Variants in GRAMD1B observed in about 807,000 individuals in gnomAD.
The protein encoded by GRAMD1B is GRAM domain containing 1B, also known as protein Aster-B.
GRAMD1B carries 37 observed loss-of-function variants against 99.7 expected under a neutral mutation model. The observed-to-expected ratio is 0.37, with a 90% confidence interval of 0.29 to 0.49. The LOEUF is 0.49. GRAMD1B is among the 20% of genes least tolerant of loss of function. The probability of loss-of-function intolerance (pLI) is 0.98; values close to 1 mark genes in which losing one functional copy is unlikely to be tolerated. For missense variants in GRAMD1B, 888 were observed against 1,009.2 expected, an observed-to-expected ratio of 0.88 and a Z score of 1.63; for synonymous variants, 427 against 387.6, an observed-to-expected ratio of 1.10 and a Z score of -1.19.
At chr11:123,469,738 T>C (rs1950896751) in intron 1 of GRAMD1B, among the ~76,000 whole-genome samples, 1 of 120,286 alleles carries the variant, frequency 8.3e-6, no homozygotes, top group South Asian at 2.8e-4. Flanking sequence ...TTTCTTTCTT[T>C]CTCTTTCTTT....
At chr11:123,406,218 T>C (rs929267094) in intron 1 of GRAMD1B, among the ~76,000 whole-genome samples, 32 of 151,854 alleles carry the variant, frequency 2.1e-4, no homozygotes, top group African/African-American at 7.0e-4. Context: ...CCTAAAGTTC[T>C]GGGATTACAG....
chr11:123,432,487 CA>C (rs1342523517), intron 1 of GRAMD1B, among the ~76,000 whole-genome samples: 2 of 149,596 alleles, frequency 1.3e-5, no homozygotes, highest in Admixed American at 6.7e-5. Flanking sequence ...AACCTGGGTA[CA>C]GGGGCTGCAG....
intron 2 of GRAMD1B, among the ~76,000 whole-genome samples, chr11:123,486,564 A>AAAAAAAAAAAAAAAAAAAG (rs779982778): frequency 8.1e-5 from 12 of 147,624 alleles, no homozygotes; most frequent in Non-Finnish European, 1.0e-4. Flanking sequence ...GAAAAAAAAA[A>AAAAAAAAAAAAAAAAAAAG]AAAAACAAAA....
chr11:123,573,967 C>T (rs1395328471), intron 2 of GRAMD1B, among the ~76,000 whole-genome samples: 1 of 151,556 alleles, frequency 6.6e-6, no homozygotes, highest in Non-Finnish European at 1.5e-5. Context: ...GTAGGTCCTT[C>T]ATACCAGGCT....
At chr11:123,499,531 T>G (rs2714078) in intron 2 of GRAMD1B, among the ~76,000 whole-genome samples, 28 of 152,054 alleles carry the variant, frequency 1.8e-4, no homozygotes, top group African/African-American at 6.3e-4. Context: ...TTAAGTTACT[T>G]ATTCCATCTT....
chr11:123,560,563 C>A (rs1970744), intron 2 of GRAMD1B: 7 of 744,126 alleles, frequency 9.4e-6, no homozygotes, highest in Non-Finnish European at 1.2e-5. Context: ...GCCCCCGCTC[C>A]CCGCCCCCGC....
At chr11:123,509,582 G>A (rs1940772299) in intron 2 of GRAMD1B, among the ~76,000 whole-genome samples, 2 of 152,248 alleles carry the variant, frequency 1.3e-5, no homozygotes, top group African/African-American at 4.8e-5. Flanking sequence ...ATGGATGCCA[G>A]CTCTGGCACC....
intron 1 of GRAMD1B, among the ~76,000 whole-genome samples, chr11:123,379,283 T>C (rs917592097): frequency 6.6e-6 from 1 of 152,178 alleles, no homozygotes; most frequent in Non-Finnish European, 1.5e-5. Context: ...ATCTGCAACA[T>C]CCCAGGAAGA....
intron 3 of GRAMD1B, among the ~76,000 whole-genome samples, chr11:123,582,486 C>G (rs1949465836): frequency 6.6e-6 from 1 of 152,132 alleles, no homozygotes; most frequent in South Asian, 2.1e-4. Flanking sequence ...TCTGGATGGA[C>G]CGTGGTGACA....
intron 2 of GRAMD1B, among the ~76,000 whole-genome samples, chr11:123,572,447 T>G (rs975635590): frequency 1.3e-5 from 2 of 152,258 alleles, no homozygotes; most frequent in Non-Finnish European, 2.9e-5. Context: ...GGAATTGGTT[T>G]TGTTTGCTCA....
chr11:123,490,305 T>A (rs1193778386), intron 2 of GRAMD1B, among the ~76,000 whole-genome samples: 1 of 151,912 alleles, frequency 6.6e-6, no homozygotes, highest in African/African-American at 2.4e-5. Flanking sequence ...ACAGATGAGA[T>A]GATATGAATG....
At chr11:123,600,067 T>C (rs971994593) in intron 7 of GRAMD1B, among the ~76,000 whole-genome samples, 4 of 152,220 alleles carry the variant, frequency 2.6e-5, no homozygotes, top group Non-Finnish European at 5.9e-5. Context: ...CTCAAATATT[T>C]GTTGAATGAA....
At chr11:123,503,758 A>G (rs2714074) in intron 2 of GRAMD1B, among the ~76,000 whole-genome samples, 121,457 of 152,106 alleles carry the variant, frequency 0.8, 49,251 homozygotes, top group African/African-American at 0.95. Flanking sequence ...TGTTGGTCAG[A>G]CTGGTCTCAA....
chr11:123,502,152 A>G (rs191176355), intron 2 of GRAMD1B, among the ~76,000 whole-genome samples: 1 of 152,286 alleles, frequency 6.6e-6, no homozygotes, highest in African/African-American at 2.4e-5. Flanking sequence ...CTGTGAGCAT[A>G]GTCTGTTTGC....
intron 2 of GRAMD1B, among the ~76,000 whole-genome samples, chr11:123,484,231 A>G (rs1340434162): frequency 1.3e-5 from 2 of 152,118 alleles, no homozygotes; most frequent in Non-Finnish European, 2.9e-5. Flanking sequence ...TCTATGATTG[A>G]CAGTTCCTCA....
intron 1 of GRAMD1B, among the ~76,000 whole-genome samples, chr11:123,442,232 TA>T (rs1949442689): frequency 1.3e-5 from 2 of 152,354 alleles, no homozygotes; most frequent in South Asian, 4.1e-4. Context: ...AATCACAAGT[TA>T]GAGCTACCTG....
chr11:123,491,710 G>A (rs1938577386), intron 2 of GRAMD1B: 6 of 394,466 alleles, frequency 1.5e-5, no homozygotes, highest in Admixed American at 1.3e-4. Flanking sequence ...TGAACCACAC[G>A]GAGGGGAGAG....
Position 123,441,529 on chromosome 11 carries a change from C to G in GRAMD1B, c.374+10363C>G, listed in dbSNP as rs1052582192. 2.0e-5 allele frequency among the ~76,000 whole-genome samples: 3 copies of G among 152,036 alleles called. No individual in the cohort carries two copies. The East Asian group carries it at 5.8e-4, about 29-fold the overall frequency. ...AGGCATGGTGGCTTGCACCTGTAAT[C>G]CCAGAATTTTGGGAGGCCAAGTCAG... On this transcript the variant is annotated intron_variant, in intron 1 of 19. Transcript: ENST00000635736.
chr11:123,450,163 C>T (rs1041478447), intron 1 of GRAMD1B, among the ~76,000 whole-genome samples: 5 of 152,122 alleles, frequency 3.3e-5, no homozygotes, highest in Non-Finnish European at 7.3e-5. Flanking sequence ...TGATGGTGGA[C>T]CCAGGGCCCT....
Sources: allele counts gnomAD v4.1 joint callset (sites outside exome capture counted in the v4.1 genomes callset), GRCh38; gene constraint gnomAD v4.1.1; transcripts MANE v1.5; gene names NCBI Gene and HGNC (gene_info 2026-07-23, HGNC 2026-07-21).